NEXN: variants seen among roughly 807,000 people sequenced by gnomAD.
NEXN encodes the protein nexilin F-actin binding protein.
In NEXN, 65 loss-of-function variants were observed where a neutral mutation model predicts 92.6. The ratio of observed to expected loss-of-function variants is 0.70; its 90% CI spans 0.57 to 0.86. NEXN has a LOEUF of 0.86. Among genes scored for constraint, NEXN ranks in the 40% least tolerant of loss-of-function variants. NEXN has a pLI of 0.00. For synonymous variants in NEXN, 254 were observed against 242.5 expected (o/e 1.05, Z -0.44); for missense variants, 778 against 771.1 (o/e 1.01, Z -0.11).
chr1:77,917,426 T>C, intron 2 of NEXN, 140 bp from the exon 3 acceptor site: 1 of 663,176 alleles, frequency 1.5e-6, no homozygotes, highest in Non-Finnish European at 2.6e-6. Context: ...CAGGTTGTGA[T>C]GGTCAAATAA....
Position 77,942,726 on chromosome 1 carries a change from C to G in NEXN, c.1925C>G (p.Pro642Arg). Residue 642 changes from proline to arginine, a missense_variant, in exon 13 of 13, where the codon CCA (proline) becomes CGA (arginine). This residue lies in a region of NEXN where 532 missense variants were observed against 476.7 expected (regional missense o/e 1.12). Transcript: ENST00000334785. ...GGAGAAACTTACTGCCTTTACTTAC[C>G]AGAAACTTTCCCAGAAGATGGAGGA... ...ERGETYCLYL[P>R]ETFPEDGGEY... 1 of 1,613,612 alleles carries G rather than the reference C, an allele frequency of 6.2e-7. No homozygotes were observed. Among genetic ancestry groups the G allele is most frequent in the Non-Finnish European group, 8.5e-7 (1 of 1,179,680 alleles).
At chr1:77,907,388 A>G (rs1648196736) in intron 1 of NEXN, among the ~76,000 whole-genome samples, 1 of 152,240 alleles carries the variant, frequency 6.6e-6, no homozygotes, top group African/African-American at 2.4e-5. Flanking sequence ...TCTCCAACAT[A>G]AAAATATTTA....
At chr1:77,922,785 C>T (rs1002422100) in intron 5 of NEXN, among the ~76,000 whole-genome samples, 28 of 150,578 alleles carry the variant, frequency 1.9e-4, no homozygotes, top group South Asian at 1.1e-3. Context: ...TTAGCAGAGG[C>T]GGGGTTTCAC....
At chr1:77,941,529 A>G (rs1651306579) in intron 11 of NEXN, among the ~76,000 whole-genome samples, 1 of 152,066 alleles carries the variant, frequency 6.6e-6, no homozygotes. Context: ...TCTACTTGTA[A>G]ACACCCTTCC....
intron 5 of NEXN, among the ~76,000 whole-genome samples, chr1:77,918,941 TAAC>T (rs1649204692): frequency 6.6e-6 from 1 of 152,194 alleles, no homozygotes; most frequent in African/African-American, 2.4e-5. Flanking sequence ...GGTCTTCTAA[TAAC>T]AATACTTTTA....
intron 11 of NEXN, chr1:77,941,806 T>G (rs1651336502): frequency 3.7e-6 from 2 of 538,946 alleles, no homozygotes; most frequent in South Asian, 4.1e-5. Flanking sequence ...TCTTTACATT[T>G]GGAGAAAAAG....
At chr1:77,895,010 A>G (rs1258272148) in intron 1 of NEXN, among the ~76,000 whole-genome samples, 1 of 135,346 alleles carries the variant, frequency 7.4e-6, no homozygotes, top group African/African-American at 2.8e-5. Context: ...GCCACCATCC[A>G]TGGCCAGCCT....
chr1:77,924,405 T>C (rs138516292), intron 5 of NEXN, among the ~76,000 whole-genome samples: 22 of 152,278 alleles, frequency 1.4e-4, no homozygotes, highest in African/African-American at 5.3e-4. Flanking sequence ...TGCACTGTTA[T>C]TGTATCAGTT....
chr1:77,937,143 A>C (rs1650832582), intron 11 of NEXN, among the ~76,000 whole-genome samples: 1 of 151,498 alleles, frequency 6.6e-6, no homozygotes, highest in African/African-American at 2.4e-5. Flanking sequence ...GTATCTGTAC[A>C]AAAAATACAA....
chr1:77,936,123 T>C (rs561392347), intron 11 of NEXN, 79 bp downstream of exon 11: 2 of 1,066,756 alleles, frequency 1.9e-6, no homozygotes, highest in Admixed American at 2.1e-5. Context: ...GGCTTTGAAA[T>C]AAGTTTTAGT....
At chr1:77,899,117 A>G (rs1647474324) in intron 1 of NEXN, among the ~76,000 whole-genome samples, 1 of 152,142 alleles carries the variant, frequency 6.6e-6, no homozygotes, top group African/African-American at 2.4e-5. Context: ...TCAGGGATCT[A>G]GAACTAGAAA....
chr1:77,938,171 T>A (rs1780047), intron 11 of NEXN, among the ~76,000 whole-genome samples: 107,514 of 152,048 alleles, frequency 0.71, 39,400 homozygotes, highest in Non-Finnish European at 0.82. Flanking sequence ...CCAATCAATC[T>A]GATTTGCATC....
intron 10 of NEXN, among the ~76,000 whole-genome samples, chr1:77,933,722 TTATTTA>T (rs1476737104): frequency 6.6e-6 from 1 of 152,150 alleles, no homozygotes; most frequent in African/African-American, 2.4e-5. Flanking sequence ...CTATTACTAT[TTATTTA>T]TATTTGTAGT....
intron 1 of NEXN, among the ~76,000 whole-genome samples, chr1:77,890,369 T>C (rs1647077956): frequency 6.6e-6 from 1 of 152,214 alleles, no homozygotes; most frequent in Admixed American, 6.5e-5. Context: ...TAATAAAAGA[T>C]TCATATTTTA....
chr1:77,918,300 T>C, intron 5 of NEXN, 27 bp downstream of exon 5: 1 of 1,612,270 alleles, frequency 6.2e-7, no homozygotes, highest in Non-Finnish European at 8.5e-7. Flanking sequence ...AGTTCGTATT[T>C]GTTTCTGAAA....
At chr1:77,891,747 T>TAAAAAAAAAA (rs373772489) in intron 1 of NEXN, among the ~76,000 whole-genome samples, 2 of 129,034 alleles carry the variant, frequency 1.5e-5, no homozygotes, top group African/African-American at 5.8e-5. Flanking sequence ...GGAAAAAAAG[T>TAAAAAAAAAA]AAAAAAAAAA....
Position 77,917,694 on chromosome 1 carries a change from C to T in NEXN, c.156C>T (p.Asp52=), listed in dbSNP as rs371431782. 372 of 1,610,948 alleles carry T rather than the reference C, an allele frequency of 2.3e-4. 1 individual carries two copies. In the African/African-American group the frequency reaches 4.1e-3, roughly 18 times the overall value. Residue 52 remains aspartate (D), a synonymous_variant, in exon 3 of 13, where the codon GAC becomes GAT. Transcript: ENST00000334785. ...AAAGAAATCAAAGGAGATCTAGAGACGAAAAACAAAGAAGAAAAGAACAAT... is the reference window on the plus strand; with the variant it reads ...AAAGAAATCAAAGGAGATCTAGAGATGAAAAACAAAGAAGAAAAGAACAAT... The part of the protein sequence containing the change: ...REERNQRRSR[D]EKQRRKEQYI...
chr1:77,890,685 C>CTATAATGACATTTATACTTCATT (rs1647085882), intron 1 of NEXN, among the ~76,000 whole-genome samples: 1 of 151,620 alleles, frequency 6.6e-6, no homozygotes, highest in Admixed American at 6.6e-5. Flanking sequence ...TCTGAGCGGC[C>CTATAATGACATTTATACTTCATT]TATAATGACA....
intron 8 of NEXN, among the ~76,000 whole-genome samples, chr1:77,927,460 T>G (rs1191606243): frequency 6.6e-6 from 1 of 152,156 alleles, no homozygotes; most frequent in Non-Finnish European, 1.5e-5. Flanking sequence ...CGGGACTGAT[T>G]ATAAGTGTAA....
Sources: gnomAD v4.1 joint callset for allele counts (sites outside exome capture counted in the v4.1 genomes callset) on GRCh38, gnomAD v4.1.1 for gene constraint, gnomAD v4.1.1 regional missense constraint, MANE v1.5 for transcripts, NCBI Gene and HGNC (gene_info 2026-07-23, HGNC 2026-07-21) for gene names.